Variants in OSTF1 observed in about 807,000 individuals in gnomAD.
The protein encoded by OSTF1 is osteoclast stimulating factor 1.
OSTF1 carries 27 observed loss-of-function variants against 37.2 expected under a neutral mutation model. That is an observed-to-expected ratio of 0.73 (90% CI 0.54 to 1.00). The LOEUF is 1.00. Among genes scored for constraint, OSTF1 ranks in the 50% least tolerant of loss-of-function variants. OSTF1 has a pLI of 0.00. For synonymous variants in OSTF1, 82 were observed against 89.2 expected (o/e 0.92, Z 0.46); for missense variants, 232 against 253.8 (o/e 0.91, Z 0.58).
intron 1 of OSTF1, among the ~76,000 whole-genome samples, chr9:75,115,516 C>G (rs1462614541): frequency 6.6e-6 from 1 of 152,136 alleles, no homozygotes; most frequent in Non-Finnish European, 1.5e-5. Context: ...TCTCGAACAC[C>G]TGACCTCAAG....
At chr9:75,125,580 C>G (rs572344246) in intron 2 of OSTF1, among the ~76,000 whole-genome samples, 215 of 152,296 alleles carry the variant, frequency 1.4e-3, no homozygotes, top group African/African-American at 5.0e-3. Flanking sequence ...CTGTGCAAAT[C>G]AAAGTGTAAA....
Position 75,088,746 on chromosome 9 carries a change from C to CT in OSTF1, c.34+20_34+21insT. The CT allele has an allele frequency of 6.2e-7, 1 of 1,600,280 alleles. No individual in the cohort carries two copies. Among genetic ancestry groups the CT allele is most frequent in the Non-Finnish European group, 8.5e-7 (1 of 1,173,008 alleles). On this transcript the variant is annotated intron_variant, in intron 1 of 9. Coordinates refer to ENST00000346234, the MANE Select transcript of OSTF1 (RefSeq NM_012383.5). ...AACCAGGTGAGGGAGGTAAGGTAGG[C>CT]GCTTGCCAGGTCCTGCGACCGCCGC...
At chr9:75,129,861 C>T (rs541761634) in intron 3 of OSTF1, among the ~76,000 whole-genome samples, 12 of 152,216 alleles carry the variant, frequency 7.9e-5, no homozygotes, top group African/African-American at 1.9e-4. Context: ...ATTTGAGTAT[C>T]GACCTAGATA....
chr9:75,108,241 AAATT>A (rs1389179809), intron 1 of OSTF1, among the ~76,000 whole-genome samples: 40 of 151,294 alleles, frequency 2.6e-4, no homozygotes, highest in African/African-American at 4.1e-4. Context: ...ATAAATAAAT[AAATT>A]AATTAATTAA....
chr9:75,144,690 CTT>C (rs71990092), intron 9 of OSTF1, among the ~76,000 whole-genome samples: 1 of 150,672 alleles, frequency 6.6e-6, no homozygotes, highest in African/African-American at 2.4e-5. Context: ...AACATGAAAA[CTT>C]TTTTTTTTAA....
At chr9:75,141,115 A>T (rs949308341) in intron 9 of OSTF1, among the ~76,000 whole-genome samples, 183 bp downstream of exon 9, 1 of 152,046 alleles carries the variant, frequency 6.6e-6, no homozygotes, top group African/African-American at 2.4e-5. Flanking sequence ...CCTGAGCAAT[A>T]AAGTGAGACC....
chr9:75,127,539 C>T, intron 2 of OSTF1, 30 bp from the exon 3 acceptor site: 1 of 1,348,964 alleles, frequency 7.4e-7, no homozygotes, highest in Non-Finnish European at 1.0e-6. Context: ...TGAAAAATCA[C>T]ATGGAGTCAA....
intron 9 of OSTF1, among the ~76,000 whole-genome samples, chr9:75,141,285 C>A (rs1273612162): frequency 2.0e-5 from 2 of 101,102 alleles, no homozygotes; most frequent in Admixed American, 1.6e-4. Flanking sequence ...TGGGTGAGAG[C>A]AAGACCATAT....
At chr9:75,107,863 G>A (rs953831965) in intron 1 of OSTF1, among the ~76,000 whole-genome samples, 7 of 152,010 alleles carry the variant, frequency 4.6e-5, no homozygotes, top group African/African-American at 7.2e-5. Flanking sequence ...AGAGTGCATC[G>A]GTAACCCTCA....
chr9:75,096,921 T>C (rs1318326932), intron 1 of OSTF1, among the ~76,000 whole-genome samples: 1 of 152,212 alleles, frequency 6.6e-6, no homozygotes, highest in Non-Finnish European at 1.5e-5. Flanking sequence ...ATGTCTGAAA[T>C]GTTGACTACC....
At chr9:75,114,701 G>C (rs1316215982) in intron 1 of OSTF1, among the ~76,000 whole-genome samples, 1 of 152,010 alleles carries the variant, frequency 6.6e-6, no homozygotes, top group African/African-American at 2.4e-5. Context: ...CTACAGGTGT[G>C]TGCCACCAAG....
chr9:75,132,269 C>T (rs778432710), intron 5 of OSTF1, among the ~76,000 whole-genome samples: 1 of 152,056 alleles, frequency 6.6e-6, no homozygotes, highest in African/African-American at 2.4e-5. Context: ...TTTAGGAGAG[C>T]GTTGGTGTGG....
At chr9:75,105,826 T>C (rs1445514751) in intron 1 of OSTF1, among the ~76,000 whole-genome samples, 1 of 152,184 alleles carries the variant, frequency 6.6e-6, no homozygotes, top group Admixed American at 6.5e-5. Context: ...CAAACCCCGC[T>C]CTCTGGGATT....
At chr9:75,093,882 A>T (rs1825025935) in intron 1 of OSTF1, among the ~76,000 whole-genome samples, 1 of 152,226 alleles carries the variant, frequency 6.6e-6, no homozygotes, top group African/African-American at 2.4e-5. Flanking sequence ...GATGATGATG[A>T]TGGGAATGGT....
intron 1 of OSTF1, among the ~76,000 whole-genome samples, chr9:75,105,748 C>G (rs1032645255): frequency 1.3e-5 from 2 of 152,054 alleles, no homozygotes; most frequent in African/African-American, 4.8e-5. Context: ...TTTTTAGGAA[C>G]CATTGCTTTC....
intron 4 of OSTF1, among the ~76,000 whole-genome samples, chr9:75,131,501 G>T (rs1825760575): frequency 6.6e-6 from 1 of 152,090 alleles, no homozygotes; most frequent in African/African-American, 2.4e-5. Context: ...AGGTATGCGG[G>T]TTTGTTTGTT....
At chr9:75,117,445 C>A in intron 1 of OSTF1, 59 bp from the exon 2 acceptor site, 1 of 1,179,972 alleles carries the variant, frequency 8.5e-7, no homozygotes, top group Non-Finnish European at 1.3e-6. Context: ...ATGGATAATG[C>A]TATTAAGAGC....
In OSTF1 at chr9:75,122,760, G is replaced by A. The variant is rs139801919; in HGVS notation, c.82-4809G>A. Among the ~76,000 whole-genome samples the A allele has an allele frequency of 2.1e-3, 326 of 152,288 alleles. 2 individuals are homozygous for A. The highest frequency in any genetic ancestry group is 3.4e-3 in the Non-Finnish European group (232 of 68,030). On this transcript the variant is annotated intron_variant, in intron 2 of 9. Transcript: ENST00000346234. Reference sequence around the variant, plus strand: ...GCACCCACTTCATAGTGTTCTTGGTGAGGAACAAATTAGTTAATATTTCTG... The same window carrying A: ...GCACCCACTTCATAGTGTTCTTGGTAAGGAACAAATTAGTTAATATTTCTG...
chr9:75,137,923 A>C (rs1036663737), intron 8 of OSTF1, among the ~76,000 whole-genome samples: 1 of 152,192 alleles, frequency 6.6e-6, no homozygotes, highest in African/African-American at 2.4e-5. Context: ...GTATGTGTAC[A>C]CGTGTGTTGG....
Sources: gnomAD v4.1 joint callset for allele counts (sites outside exome capture counted in the v4.1 genomes callset) on GRCh38, gnomAD v4.1.1 for gene constraint, MANE v1.5 for transcripts, NCBI Gene and HGNC (gene_info 2026-07-23, HGNC 2026-07-21) for gene names.